Variants in CSMD1 observed in about 807,000 individuals in gnomAD.
CSMD1 encodes the protein CUB and sushi domain-containing protein 1.
In CSMD1, 213 loss-of-function variants were observed where a neutral mutation model predicts 417.5. That is an observed-to-expected ratio of 0.51 (90% confidence interval 0.46 to 0.57). The LOEUF (loss-of-function observed/expected upper bound fraction) is 0.57. Ranked by LOEUF, CSMD1 falls within the 20% of genes least tolerant of loss-of-function variation. CSMD1 has a pLI of 0.00. For missense variants in CSMD1, 6,923 were observed against 4,529.7 expected (o/e 1.53, Z -15.17); for synonymous variants, 2,862 against 1,736.8 (o/e 1.65, Z -16.11).
intron 3 of CSMD1, among the ~76,000 whole-genome samples, chr8:4,121,880 T>G (rs890950921): frequency 6.6e-6 from 1 of 152,112 alleles, no homozygotes; most frequent in Non-Finnish European, 1.5e-5. Flanking sequence ...TTTAAACTAT[T>G]AGAATGACTC....
intron 2 of CSMD1, among the ~76,000 whole-genome samples, chr8:4,550,849 T>G (rs1291798284): frequency 6.6e-6 from 1 of 152,178 alleles, no homozygotes; most frequent in Non-Finnish European, 1.5e-5. Context: ...TGGAAAACTA[T>G]TTGCTCTCCT....
At chr8:3,928,254 A>C (rs1490499266) in intron 5 of CSMD1, among the ~76,000 whole-genome samples, 2 of 152,254 alleles carry the variant, frequency 1.3e-5, no homozygotes, top group Non-Finnish European at 2.9e-5. Context: ...ATACAGCCTC[A>C]TAATTACATA....
At chr8:3,858,541 A>C (rs75715400) in intron 5 of CSMD1, among the ~76,000 whole-genome samples, 1,548 of 152,332 alleles carry the variant, frequency 0.01, 30 homozygotes, top group African/African-American at 0.036. Flanking sequence ...TGCATAGAGC[A>C]AGGTGTTAAC....
chr8:3,049,613 C>G (rs528858823), intron 50 of CSMD1, among the ~76,000 whole-genome samples: 1 of 136,830 alleles, frequency 7.3e-6, no homozygotes, highest in South Asian at 2.4e-4. Context: ...GCACAGGAGA[C>G]TTTAAGGGCC....
chr8:3,526,387 A>G lies in CSMD1; in HGVS notation c.1345-32661T>C, dbSNP rs531103816. On this transcript the variant is annotated intron_variant, in intron 10 of 69. Transcript: ENST00000635120. ...AGTTGAGAGTAATAACGTCTTCTTC[A>G]ATCCTAAATATATTTAAATTTTTAA... is the stretch of plus-strand genomic sequence containing the variant. Among the ~76,000 whole-genome samples the G allele has an allele frequency of 1.9e-4, 29 of 152,240 alleles. No individual in the cohort carries two copies. The South Asian group carries it at 5.6e-3, about 29-fold the overall frequency.
intron 5 of CSMD1, among the ~76,000 whole-genome samples, chr8:3,917,602 C>T (rs1433545315): frequency 1.8e-5 from 1 of 55,036 alleles, no homozygotes; most frequent in South Asian, 1.1e-3. Flanking sequence ...TTCAGATTGG[C>T]TTCATATTTA....
intron 46 of CSMD1, among the ~76,000 whole-genome samples, chr8:3,103,616 C>T (rs898709595): frequency 3.9e-5 from 6 of 152,100 alleles, no homozygotes; most frequent in African/African-American, 1.2e-4. Context: ...TTTATCTACA[C>T]GGTCTGTCAC....
intron 1 of CSMD1, among the ~76,000 whole-genome samples, chr8:4,638,587 C>T (rs1173337158): frequency 1.3e-5 from 2 of 152,140 alleles, no homozygotes; most frequent in Non-Finnish European, 2.9e-5. Context: ...AGGTGTACCA[C>T]AAAATGAGGG....
chr8:3,050,849 A>C (rs912218744), intron 50 of CSMD1, among the ~76,000 whole-genome samples: 1 of 152,220 alleles, frequency 6.6e-6, no homozygotes, highest in Non-Finnish European at 1.5e-5. Context: ...CTGTAGACAA[A>C]AAGAAGCCAA....
At chr8:2,971,749 A>G (rs566506908) in intron 57 of CSMD1, among the ~76,000 whole-genome samples, 147 of 152,322 alleles carry the variant, frequency 9.7e-4, no homozygotes, top group African/African-American at 2.8e-3. Context: ...TAACAAATTT[A>G]TATCAATTTA....
chr8:4,055,533 G>C (rs1798646422), intron 3 of CSMD1, among the ~76,000 whole-genome samples: 1 of 140,808 alleles, frequency 7.1e-6, no homozygotes, highest in African/African-American at 3.1e-5. Context: ...ATTTAATAAT[G>C]TCAAGAATTT....
At chr8:3,788,209 A>T (rs2129066212) in intron 5 of CSMD1, among the ~76,000 whole-genome samples, 1 of 152,360 alleles carries the variant, frequency 6.6e-6, no homozygotes, top group African/African-American at 2.4e-5. Context: ...AGATAGTTGG[A>T]TCACAGGATT....
At chr8:4,224,218 A>G (rs1801211010) in intron 3 of CSMD1, among the ~76,000 whole-genome samples, 1 of 67,822 alleles carries the variant, frequency 1.5e-5, no homozygotes, top group African/African-American at 6.0e-5. Context: ...TCCAAGTCCT[A>G]AAAAGGCCTT....
chr8:4,373,075 A>G (rs1012359247), intron 3 of CSMD1, among the ~76,000 whole-genome samples: 18 of 152,184 alleles, frequency 1.2e-4, no homozygotes, highest in African/African-American at 4.3e-4. Context: ...AAGACAGTTT[A>G]CCTGTGTGGT....
intron 7 of CSMD1, among the ~76,000 whole-genome samples, chr8:3,623,333 T>C (rs531815553): frequency 6.6e-5 from 10 of 152,294 alleles, no homozygotes; most frequent in African/African-American, 2.4e-4. Flanking sequence ...CATGTAAGTA[T>C]CAATTAAAAC....
chr8:3,201,873 G>C, intron 31 of CSMD1, 148 bp from the exon 32 acceptor site: 1 of 462,894 alleles, frequency 2.2e-6, no homozygotes, highest in East Asian at 3.3e-5. Context: ...TATTTTCTCT[G>C]CTTTCTAAGT....
At chr8:4,403,385 C>T (rs530557214) in intron 3 of CSMD1, among the ~76,000 whole-genome samples, 2 of 152,132 alleles carry the variant, frequency 1.3e-5, no homozygotes, top group African/African-American at 4.8e-5. Flanking sequence ...TCTAACTTCT[C>T]TCATCTAATT....
intron 5 of CSMD1, among the ~76,000 whole-genome samples, chr8:3,907,602 T>C (rs1442417005): frequency 6.6e-6 from 1 of 152,148 alleles, no homozygotes; most frequent in African/African-American, 2.4e-5. Flanking sequence ...GCCAACATCA[T>C]GAAAAACAAG....
intron 3 of CSMD1, among the ~76,000 whole-genome samples, chr8:4,172,239 C>A (rs190767649): frequency 3.2e-4 from 48 of 152,250 alleles, no homozygotes; most frequent in African/African-American, 9.9e-4. Flanking sequence ...AGGGTCAAGT[C>A]TGCACTGAAC....
Sources: allele counts gnomAD v4.1 joint callset (sites outside exome capture counted in the v4.1 genomes callset), GRCh38; gene constraint gnomAD v4.1.1; transcripts MANE v1.5; gene names NCBI Gene and HGNC (gene_info 2026-07-23, HGNC 2026-07-21).